Variants in BACE1 observed in about 807,000 individuals in gnomAD.
The protein encoded by BACE1 is beta-secretase 1, also known as APP beta-secretase.
A neutral mutation model predicts 54.0 loss-of-function variants in BACE1; 21 were observed. The observed-to-expected ratio is 0.39, with a 90% CI of 0.28 to 0.56. The LOEUF (loss-of-function observed/expected upper bound fraction) is 0.56. Among genes scored for constraint, BACE1 ranks in the 20% least tolerant of loss-of-function variants. BACE1 has a pLI of 0.63. For synonymous variants in BACE1, 232 were observed against 260.9 expected (o/e 0.89, Z 1.07); for missense variants, 511 against 661.2 (o/e 0.77, Z 2.49).
Position 117,289,388 on chromosome 11 carries a change from G to A in BACE1, c.*178C>T. ...CTCTTTTCTGTTTCCTACAGGTACAGTCCCTGGAACCCACCTTGCCAGCCT... is the reference window on the plus strand; with the variant it reads ...CTCTTTTCTGTTTCCTACAGGTACAATCCCTGGAACCCACCTTGCCAGCCT... On this transcript the variant is annotated 3_prime_UTR_variant, in exon 9 of 9. Coordinates refer to ENST00000313005, the MANE Select transcript of BACE1 (RefSeq NM_012104.6). 2.9e-6 allele frequency: 3 copies of A among 1,029,766 alleles called. No homozygotes were observed. Among genetic ancestry groups the A allele is most frequent in the Non-Finnish European group, 4.1e-6 (3 of 730,166 alleles). 63.8% of individuals were successfully genotyped at this position (1,029,766 alleles called of 1,614,324 possible).
chr11:117,304,419 A>G (rs568162912), intron 1 of BACE1, among the ~76,000 whole-genome samples: 1 of 152,338 alleles, frequency 6.6e-6, no homozygotes, highest in South Asian at 2.1e-4. Flanking sequence ...TTGGGCCACT[A>G]AATTTTGGAG....
chr11:117,304,382 A>T (rs969346215), intron 1 of BACE1, among the ~76,000 whole-genome samples: 3 of 152,226 alleles, frequency 2.0e-5, no homozygotes, highest in Non-Finnish European at 4.4e-5. Context: ...AAGCCAACAC[A>T]CGGAATCCTG....
At chr11:117,304,889 G>A (rs1025948945) in intron 1 of BACE1, among the ~76,000 whole-genome samples, 38 of 150,494 alleles carry the variant, frequency 2.5e-4, no homozygotes, top group Non-Finnish European at 1.0e-4. Context: ...GCTCCGTAAT[G>A]ATTTTTTTTT....
intron 1 of BACE1, among the ~76,000 whole-genome samples, chr11:117,305,022 G>A (rs1233805910): frequency 6.7e-6 from 1 of 148,466 alleles, no homozygotes; most frequent in Non-Finnish European, 1.5e-5. Context: ...TAGTGCAGTG[G>A]TGCAATCTTG....
intron 1 of BACE1, among the ~76,000 whole-genome samples, chr11:117,305,902 GGCA>G (rs1457091018): frequency 6.6e-6 from 1 of 152,044 alleles, no homozygotes; most frequent in East Asian, 1.9e-4. Flanking sequence ...CGGGCGTGAT[GGCA>G]GGCGCCTGTA....
intron 1 of BACE1, among the ~76,000 whole-genome samples, chr11:117,300,220 A>G (rs1024109699): frequency 2.6e-5 from 4 of 151,656 alleles, no homozygotes; most frequent in African/African-American, 7.3e-5. Flanking sequence ...ACCCACCCCA[A>G]TACTACGATT....
chr11:117,302,762 G>A (rs1032925208), intron 1 of BACE1, among the ~76,000 whole-genome samples: 4 of 152,174 alleles, frequency 2.6e-5, no homozygotes, highest in African/African-American at 9.6e-5. Context: ...GCGCACACCT[G>A]TAATCCCAGC....
intron 3 of BACE1, among the ~76,000 whole-genome samples, 163 bp downstream of exon 3, chr11:117,294,968 C>T (rs760826355): frequency 9.9e-5 from 15 of 152,160 alleles, no homozygotes; most frequent in Non-Finnish European, 1.8e-4. Context: ...TGGTTCTGCC[C>T]TCTATAGGGC....
intron 8 of BACE1, among the ~76,000 whole-genome samples, 188 bp from the exon 9 acceptor site, chr11:117,289,995 TG>T (rs1010624378): frequency 3.3e-5 from 5 of 152,292 alleles, no homozygotes; most frequent in African/African-American, 1.2e-4. Flanking sequence ...CCCAAGTCAC[TG>T]GGAGCAGCAG....
intron 1 of BACE1, among the ~76,000 whole-genome samples, chr11:117,309,987 C>G (rs1394101686): frequency 1.3e-5 from 2 of 152,150 alleles, no homozygotes; most frequent in African/African-American, 2.4e-5. Context: ...CGGCTCACTG[C>G]AACCTCCACC....
intron 2 of BACE1, among the ~76,000 whole-genome samples, chr11:117,296,422 A>G (rs1212349814): frequency 1.3e-5 from 2 of 152,124 alleles, no homozygotes; most frequent in East Asian, 1.9e-4. Flanking sequence ...GGACTATGCA[A>G]AGCCACCTAG....
intron 1 of BACE1, among the ~76,000 whole-genome samples, chr11:117,299,171 C>T (rs1191328460): frequency 6.6e-6 from 1 of 152,114 alleles, no homozygotes; most frequent in Non-Finnish European, 1.5e-5. Context: ...AGACCAGAGC[C>T]ATTTTTTGAA....
At chr11:117,308,596 T>C (rs2034881918) in intron 1 of BACE1, among the ~76,000 whole-genome samples, 1 of 152,214 alleles carries the variant, frequency 6.6e-6, no homozygotes, top group African/African-American at 2.4e-5. Flanking sequence ...GAAATAGATA[T>C]GCTAATACCT....
At chr11:117,294,137 CTG>C in intron 3 of BACE1, 129 bp from the exon 4 acceptor site, 14 of 1,086,006 alleles carry the variant, frequency 1.3e-5, no homozygotes, top group Non-Finnish European at 1.8e-5. Context: ...TCTTAAGGCA[CTG>C]AGATTTGGCA....
intron 5 of BACE1, 92 bp from the exon 6 acceptor site, chr11:117,291,905 T>A: frequency 1.2e-6 from 1 of 824,554 alleles, no homozygotes; most frequent in Non-Finnish European, 2.0e-6. Context: ...CCCAGCTGGG[T>A]TGGCATCTTG....
In BACE1 at chr11:117,315,408, GC is replaced by G. The variant is rs1226997450; in HGVS notation, c.261+126del. 1 of 1,299,916 alleles carries G rather than the reference GC, an allele frequency of 7.7e-7. No individual in the cohort carries two copies. Among genetic ancestry groups the G allele is most frequent in the Non-Finnish European group, 1.0e-6 (1 of 976,288 alleles). 80.5% of individuals were successfully genotyped at this position (1,299,916 alleles called of 1,614,324 possible). On this transcript the variant is annotated intron_variant, in intron 1 of 8. Transcript: ENST00000313005. This position sits in a 1 kb window ranked among gnomAD's most constrained non-coding sequence, Gnocchi z 5.5. The stretch of plus-strand genomic sequence containing the variant: ...ACAACCACGTGACCCCCGGGGAATG[GC>G]TGGGGAGGGGTCCCTCCTGCTGTCC...
chr11:117,302,161 C>T (rs994959589), intron 1 of BACE1, among the ~76,000 whole-genome samples: 27 of 152,028 alleles, frequency 1.8e-4, no homozygotes, highest in African/African-American at 6.3e-4. Context: ...TGGTGAAACC[C>T]CATCTCTACA....
Position 117,296,872 on chromosome 11 carries a change from C to T in BACE1, c.350+1G>A. 1.9e-6 allele frequency: 3 copies of T among 1,612,506 alleles called. No individual in the cohort carries two copies. The highest frequency in any genetic ancestry group is 2.5e-6 in the Non-Finnish European group (3 of 1,179,106). The stretch of plus-strand genomic sequence containing the variant: ...TCCCCCGGGCTCTCCCCAGGACTCA[C>T]AGCTGCCTCTGGTAGTAGCGATGCA... On this transcript the variant is annotated splice_donor_variant, in intron 2 of 8. Coordinates refer to ENST00000313005, the MANE Select transcript of BACE1 (RefSeq NM_012104.6). LOFTEE classifies it high-confidence loss of function.
Position 117,315,248 on chromosome 11 carries a change from G to A in BACE1, c.261+287C>T, listed in dbSNP as rs1412469075. 6.6e-6 allele frequency among the ~76,000 whole-genome samples: 1 copy of A among 152,174 alleles called. No homozygotes were observed. The highest frequency in any genetic ancestry group is 2.4e-5 in the African/African-American group (1 of 41,440). ...CCCCTGTGGCGGACCCTTCCTCCAGGTCAGGGTCCCCAGCTGATGTGTCTG... is the reference window on the plus strand; with the variant it reads ...CCCCTGTGGCGGACCCTTCCTCCAGATCAGGGTCCCCAGCTGATGTGTCTG... On this transcript the variant is annotated intron_variant, in intron 1 of 8. Coordinates refer to ENST00000313005, the MANE Select transcript of BACE1 (RefSeq NM_012104.6). This position sits in a 1 kb window ranked among gnomAD's most constrained non-coding sequence, Gnocchi z 5.5.
Sources: gnomAD v4.1 joint callset for allele counts (sites outside exome capture counted in the v4.1 genomes callset) on GRCh38, gnomAD v4.1.1 for gene constraint, Gnocchi (gnomAD v3.1) non-coding constraint, MANE v1.5 for transcripts, NCBI Gene and HGNC (gene_info 2026-07-23, HGNC 2026-07-21) for gene names.